RBFOX1: variants seen among roughly 807,000 people sequenced by gnomAD.
RBFOX1 encodes RNA binding protein fox-1 homolog 1.
A neutral mutation model predicts 57.7 loss-of-function variants in RBFOX1; 8 were observed. That is an observed-to-expected ratio of 0.14 (90% CI 0.08 to 0.25). The LOEUF (loss-of-function observed/expected upper bound fraction) is 0.25. Ranked by LOEUF, RBFOX1 falls within the 10% of genes least tolerant of loss-of-function variation. The pLI, the probability that RBFOX1 is intolerant of heterozygous loss-of-function variation, is 1.00. For synonymous variants in RBFOX1, 326 were observed against 222.4 expected, an observed-to-expected ratio of 1.47 and a Z score of -4.15; for missense variants, 611 against 548.5, an observed-to-expected ratio of 1.11 and a Z score of -1.14.
At position 6,282,869 on chromosome 16, in the gene RBFOX1, C is replaced by T. The variant is rs187813876; in HGVS notation, c.-126-34126C>T. ...TTGAGCATTTGTTATTTGCCAACTA[C>T]TTCATTAAGTACTTTGCATCTATTG... On this transcript the variant is annotated intron_variant, in intron 1 of 15. Transcript: ENST00000550418. Among the ~76,000 whole-genome samples the T allele has an allele frequency of 1.4e-3, 207 of 152,284 alleles. 2 individuals carry two copies. The highest frequency in any genetic ancestry group is 0.012 in the Admixed American group (186 of 15,286).
intron 4 of RBFOX1, among the ~76,000 whole-genome samples, chr16:7,171,984 T>C (rs1317064381): frequency 6.6e-6 from 1 of 152,158 alleles, no homozygotes; most frequent in Non-Finnish European, 1.5e-5. Context: ...CTGTGTAGTA[T>C]AGTAGGAAGA....
intron 3 of RBFOX1, among the ~76,000 whole-genome samples, chr16:5,733,058 A>G (rs542102584): frequency 4.2e-4 from 64 of 152,246 alleles, no homozygotes; most frequent in Non-Finnish European, 3.2e-4. Context: ...CAGGGGGTAC[A>G]TCTTACTGTA....
At position 5,636,647 on chromosome 16, in the gene RBFOX1, G is replaced by A. The variant is rs530289691; in HGVS notation, c.318+37686G>A. Among the ~76,000 whole-genome samples the A allele has an allele frequency of 2.6e-5, 4 of 152,282 alleles. No individual in the cohort carries two copies. The South Asian group carries it at 6.2e-4, about 24-fold the overall frequency. On this transcript the variant is annotated intron_variant, in intron 3 of 19. Transcript: ENST00000641259. ...AGCTTGACAGCCAACTTTCGTACTC[G>A]TAGGAATATGAATCTAGCAAAATTC...
At chr16:5,272,030 G>T (rs1567262815) in intron 1 of RBFOX1, among the ~76,000 whole-genome samples, 1 of 152,144 alleles carries the variant, frequency 6.6e-6, no homozygotes. Flanking sequence ...TCTATATCTT[G>T]GGTATTGTGA....
intron 3 of RBFOX1, among the ~76,000 whole-genome samples, chr16:6,926,561 C>T (rs536236827): frequency 6.6e-6 from 1 of 152,158 alleles, no homozygotes; most frequent in Non-Finnish European, 1.5e-5. Context: ...GGGAGAAATC[C>T]TGCAGGCTCT....
intron 4 of RBFOX1, among the ~76,000 whole-genome samples, chr16:7,180,474 C>G (rs1057023326): frequency 2.6e-5 from 4 of 152,100 alleles, no homozygotes; most frequent in African/African-American, 4.8e-5. Flanking sequence ...TTCAGAAAGT[C>G]TACACCACGT....
At chr16:6,709,218 A>C (rs1361329020) in intron 3 of RBFOX1, among the ~76,000 whole-genome samples, 3 of 152,298 alleles carry the variant, frequency 2.0e-5, no homozygotes, top group African/African-American at 4.8e-5. Flanking sequence ...CACAAGTATA[A>C]ACCCACTGAA....
intron 5 of RBFOX1, among the ~76,000 whole-genome samples, chr16:7,576,752 A>G (rs2093370925): frequency 6.6e-6 from 1 of 152,238 alleles, no homozygotes; most frequent in South Asian, 2.1e-4. Flanking sequence ...AATTAGGTTC[A>G]TTAAACTGAA....
At chr16:7,004,979 A>G (rs2093169697) in intron 3 of RBFOX1, among the ~76,000 whole-genome samples, 1 of 152,118 alleles carries the variant, frequency 6.6e-6, no homozygotes. Context: ...CCCCATTTCT[A>G]CCAAAAATAC....
At chr16:6,566,561 G>A (rs1341902611) in intron 2 of RBFOX1, among the ~76,000 whole-genome samples, 9 of 151,974 alleles carry the variant, frequency 5.9e-5, no homozygotes, top group African/African-American at 2.4e-5. Flanking sequence ...ACTATTTGTC[G>A]AGACCTTTGT....
intron 2 of RBFOX1, among the ~76,000 whole-genome samples, chr16:6,471,579 GA>G (rs33941933): frequency 0.34 from 47,428 of 139,878 alleles, 8,396 homozygotes; most frequent in East Asian, 0.71. Flanking sequence ...CTTATAATTG[GA>G]AAAAAAAAAA....
intron 4 of RBFOX1, among the ~76,000 whole-genome samples, chr16:7,396,891 A>G (rs1171434135): frequency 3.9e-5 from 6 of 152,198 alleles, no homozygotes; most frequent in Non-Finnish European, 5.9e-5. Flanking sequence ...CAGTGAGCCT[A>G]GAAGATGCCA....
intron 4 of RBFOX1, among the ~76,000 whole-genome samples, chr16:7,488,801 TTAATC>T (rs2066132419): frequency 6.6e-6 from 1 of 152,184 alleles, no homozygotes; most frequent in Admixed American, 6.5e-5. Context: ...TATCCATACA[TTAATC>T]TATCCATCCA....
intron 2 of RBFOX1, among the ~76,000 whole-genome samples, chr16:6,543,494 G>T (rs185595533): frequency 1.8e-3 from 277 of 152,212 alleles, no homozygotes; most frequent in African/African-American, 6.4e-3. Context: ...GAACCCACTT[G>T]TTCCCTCTCT....
rs184875427 is a variant in RBFOX1, at chr16:6,300,440, T to G, written c.-126-16555T>G. Among the ~76,000 whole-genome samples the G allele has an allele frequency of 6.5e-3, 984 of 152,270 alleles. 5 individuals are homozygous for G. The highest frequency in any genetic ancestry group is 0.01 in the Non-Finnish European group (702 of 68,016). On this transcript the variant is annotated intron_variant, in intron 1 of 15. Transcript: ENST00000550418. ...GTTGTACACCATAAATATACACAAT[T>G]TTTGTCAACTTAAAGAATAAAAAGA...
At chr16:7,257,764 C>T (rs1180222628) in intron 4 of RBFOX1, among the ~76,000 whole-genome samples, 1 of 152,168 alleles carries the variant, frequency 6.6e-6, no homozygotes, top group Non-Finnish European at 1.5e-5. Flanking sequence ...TAGAACTCTG[C>T]AGATTTGAAT....
In RBFOX1 at chr16:7,518,208, T is replaced by G. The variant is rs1390124712; in HGVS notation, c.89T>G (p.Phe30Cys). 4 of 1,613,930 alleles carry G rather than the reference T, an allele frequency of 2.5e-6. No homozygotes were observed. Among genetic ancestry groups the G allele is most frequent in the African/African-American group, 2.7e-5 (2 of 74,910 alleles). ...GCTCAGCCTTACGCTTCGGCCCAGTTTGCTCCCCCGCAGAACGGTATCCCC... is the reference window on the plus strand; with the variant it reads ...GCTCAGCCTTACGCTTCGGCCCAGTGTGCTCCCCCGCAGAACGGTATCCCC... Reference protein sequence around the residue: ...TMAQPYASAQFAPPQNGIPAE... With the variant: ...TMAQPYASAQCAPPQNGIPAE... Residue 30 changes from phenylalanine to cysteine, a missense_variant, in exon 5 of 16, where the codon TTT becomes TGT. This residue lies in a region of RBFOX1 where 245 missense variants were observed against 159.1 expected (regional missense o/e 1.54). Transcript: ENST00000550418.
chr16:5,322,430 C>T (rs1045069010), intron 1 of RBFOX1, among the ~76,000 whole-genome samples: 5 of 152,062 alleles, frequency 3.3e-5, no homozygotes, highest in African/African-American at 4.8e-5. Context: ...GGTGCTGAGC[C>T]GGGTGCCCTG....
chr16:7,217,547 A>G (rs2092306135), intron 4 of RBFOX1, among the ~76,000 whole-genome samples: 1 of 150,698 alleles, frequency 6.6e-6, no homozygotes, highest in African/African-American at 2.4e-5. Context: ...CTCGTCCATC[A>G]CTCTTTATCT....
Sources: allele counts gnomAD v4.1 joint callset (sites outside exome capture counted in the v4.1 genomes callset), GRCh38; gene constraint gnomAD v4.1.1; regional missense constraint gnomAD v4.1.1; transcripts MANE v1.5; gene names NCBI Gene and HGNC (gene_info 2026-07-23, HGNC 2026-07-21).